HIVEP2: variants seen among roughly 807,000 people sequenced by gnomAD.
HIVEP2 encodes the protein HIVEP zinc finger 2, also known as transcription factor HIVEP2.
In HIVEP2, 14 loss-of-function variants were observed where a neutral mutation model predicts 180.7. The observed-to-expected ratio is 0.08, with a 90% CI of 0.05 to 0.12. The LOEUF is 0.12. Among genes scored for constraint, HIVEP2 ranks in the 10% least tolerant of loss-of-function variants. HIVEP2 has a pLI of 1.00. For synonymous variants in HIVEP2, 1,184 were observed against 1,136.4 expected, an observed-to-expected ratio of 1.04 and a Z score of -0.84; for missense variants, 2,579 against 3,008.5, an observed-to-expected ratio of 0.86 and a Z score of 3.34.
At chr6:142,908,879 T>C (rs926284804) in intron 1 of HIVEP2, among the ~76,000 whole-genome samples, 17 of 139,316 alleles carry the variant, frequency 1.2e-4, no homozygotes, top group Non-Finnish European at 1.6e-5. Context: ...AAAAAAAAAT[T>C]CTGAATTCTA....
intron 7 of HIVEP2, among the ~76,000 whole-genome samples, chr6:142,763,483 G>T (rs1775303707): frequency 1.3e-5 from 2 of 152,192 alleles, no homozygotes; most frequent in African/African-American, 4.8e-5. Flanking sequence ...TAATGACCAA[G>T]AATAAATTAT....
At chr6:142,775,177 A>G in intron 4 of HIVEP2, 52 bp from the exon 5 acceptor site, 1 of 514,550 alleles carries the variant, frequency 1.9e-6, no homozygotes, top group Non-Finnish European at 2.2e-6. Context: ...CAAATAAGAA[A>G]CCAAAAAAAA....
Position 142,771,028 on chromosome 6 carries a change from G to T in HIVEP2, c.3711C>A (p.His1237Gln). 1 of 1,614,206 alleles carries T rather than the reference G, an allele frequency of 6.2e-7. No individual in the cohort carries two copies. Among genetic ancestry groups the T allele is most frequent in the Non-Finnish European group, 8.5e-7 (1 of 1,180,042 alleles). The change falls in exon 5 of 10, where the codon CAC becomes CAA. Residue 1237 changes from histidine (H) to glutamine (Q), a missense_variant. This residue lies in a region of HIVEP2 where 523 missense variants were observed against 577.0 expected (regional missense o/e 0.91). Coordinates refer to ENST00000367603, the MANE Select transcript of HIVEP2 (RefSeq NM_006734.4). The surrounding 1 kb of genome is among the most constrained non-coding windows in gnomAD (Gnocchi z 5.4). ...QAHFPHPFAQ[H>Q]PQKSYGKPSF... ...AGGGCTTGCCATAGCTCTTCTGAGG[G>T]TGCTGAGCAAAGGGATGTGGGAAAT...
intron 1 of HIVEP2, among the ~76,000 whole-genome samples, chr6:142,912,918 G>C (rs1467565247): frequency 6.6e-6 from 1 of 152,216 alleles, no homozygotes; most frequent in Admixed American, 6.5e-5. Flanking sequence ...ATTATTGCTT[G>C]TGCTGCACAT....
At chr6:142,838,805 T>G (rs1775288579) in intron 1 of HIVEP2, among the ~76,000 whole-genome samples, 2 of 152,172 alleles carry the variant, frequency 1.3e-5, no homozygotes, top group South Asian at 4.1e-4. Context: ...CCTCTTCATT[T>G]CTTAGGTAGG....
chr6:142,857,920 T>C (rs112727921), intron 1 of HIVEP2, among the ~76,000 whole-genome samples: 23 of 152,082 alleles, frequency 1.5e-4, no homozygotes, highest in African/African-American at 5.6e-4. Context: ...TCTGGGAACT[T>C]ATCTATGGCC....
At chr6:142,892,866 A>T (rs920989618) in intron 1 of HIVEP2, among the ~76,000 whole-genome samples, 3 of 152,164 alleles carry the variant, frequency 2.0e-5, no homozygotes, top group African/African-American at 7.2e-5. Flanking sequence ...TACAGTTATC[A>T]TCCCACTTAA....
chr6:142,845,868 GT>G (rs1775500775), intron 1 of HIVEP2, among the ~76,000 whole-genome samples: 1 of 152,194 alleles, frequency 6.6e-6, no homozygotes, highest in Admixed American at 6.5e-5. Flanking sequence ...GTGCAAACTC[GT>G]CTTCCGCAGA....
chr6:142,780,763 C>T (rs1367376486), intron 3 of HIVEP2, among the ~76,000 whole-genome samples: 1 of 152,132 alleles, frequency 6.6e-6, no homozygotes, highest in African/African-American at 2.4e-5. Context: ...AGTTTCTCTG[C>T]TACTCCACTC....
chr6:142,846,328 A>G (rs1054349963), intron 1 of HIVEP2, among the ~76,000 whole-genome samples: 2 of 152,186 alleles, frequency 1.3e-5, no homozygotes, highest in African/African-American at 4.8e-5. Flanking sequence ...TTCTGTCTGC[A>G]AAGGCAGACA....
intron 2 of HIVEP2, among the ~76,000 whole-genome samples, chr6:142,821,769 A>G (rs1309040883): frequency 6.6e-6 from 1 of 152,142 alleles, no homozygotes; most frequent in East Asian, 1.9e-4. Flanking sequence ...ACCACCACCA[A>G]AACTAGGTCA....
chr6:142,819,055 CGGGAAGGA>C (rs1776952582), intron 2 of HIVEP2, among the ~76,000 whole-genome samples: 1 of 6,076 alleles, frequency 1.6e-4, no homozygotes, highest in Non-Finnish European at 4.2e-4. Flanking sequence ...GGAGGGAGGG[CGGGAAGGA>C]GGGAAGGAAG....
chr6:142,870,148 C>T (rs1024232356), intron 1 of HIVEP2, among the ~76,000 whole-genome samples: 8 of 151,542 alleles, frequency 5.3e-5, no homozygotes, highest in Admixed American at 4.6e-4. Flanking sequence ...CAGCCCACAC[C>T]CTGCCAATCC....
At position 142,753,819 on chromosome 6, in the gene HIVEP2, A is replaced by G; in HGVS notation, c.6629T>C (p.Val2210Ala). The stretch of plus-strand genomic sequence containing the variant: ...AGAGTGGAGTGGAAGATGACTGAAG[A>G]CATAGTCATTAGGACCCTCAGGGAA... ...SLFPEGPNDYVFSHLPLHSQQ... is the reference protein window; with the variant it reads ...SLFPEGPNDYAFSHLPLHSQQ... The change falls in exon 10 of 10, where the codon GTC (valine) becomes GCC (alanine). Residue 2210 changes from valine to alanine, a missense_variant. Transcript: ENST00000367603. The G allele has an allele frequency of 1.2e-6, 2 of 1,613,586 alleles. No individual in the cohort carries two copies. Among genetic ancestry groups the G allele is most frequent in the Non-Finnish European group, 1.7e-6 (2 of 1,179,494 alleles).
intron 1 of HIVEP2, among the ~76,000 whole-genome samples, chr6:142,857,631 A>C (rs1309099814): frequency 1.3e-5 from 2 of 152,218 alleles, no homozygotes; most frequent in African/African-American, 4.8e-5. Flanking sequence ...GTTAAAAAAG[A>C]CTAGTTTCCT....
At chr6:142,923,800 G>C (rs187727410) in intron 1 of HIVEP2, among the ~76,000 whole-genome samples, 2 of 152,312 alleles carry the variant, frequency 1.3e-5, no homozygotes, top group Admixed American at 6.5e-5. Context: ...TACCAGGCAG[G>C]AGGTACAGCA....
At chr6:142,806,427 T>G (rs1776549796) in intron 2 of HIVEP2, among the ~76,000 whole-genome samples, 1 of 152,210 alleles carries the variant, frequency 6.6e-6, no homozygotes, top group African/African-American at 2.4e-5. Flanking sequence ...CCATGTGTTA[T>G]CCAAATCATA....
At chr6:142,814,859 C>T (rs1369484666) in intron 2 of HIVEP2, among the ~76,000 whole-genome samples, 1 of 151,938 alleles carries the variant, frequency 6.6e-6, no homozygotes, top group Non-Finnish European at 1.5e-5. Flanking sequence ...TATGGAGTAA[C>T]AAGGGAAATG....
rs79188753 is a variant in HIVEP2 at position 142,879,732 on chromosome 6, C to T, written c.-640-42685G>A. 1.1e-3 allele frequency among the ~76,000 whole-genome samples: 174 copies of T among 152,226 alleles called. 1 individual carries two copies. The East Asian group carries it at 0.015, about 14-fold the overall frequency. On this transcript the variant is annotated intron_variant, in intron 1 of 9. Transcript: ENST00000367603. ...CACACAGTCAGATACTTCATTAACA[C>T]CCTCCCCAGGCTTCCACAGTCTCTT...
Sources: gnomAD v4.1 joint callset for allele counts (sites outside exome capture counted in the v4.1 genomes callset) on GRCh38, gnomAD v4.1.1 for gene constraint, gnomAD v4.1.1 regional missense constraint, Gnocchi (gnomAD v3.1) non-coding constraint, MANE v1.5 for transcripts, NCBI Gene and HGNC (gene_info 2026-07-23, HGNC 2026-07-21) for gene names.